Variants in SPOCK1 observed in about 807,000 individuals in gnomAD.
SPOCK1 encodes the protein testican-1.
SPOCK1 carries 23 observed loss-of-function variants against 55.3 expected under a neutral mutation model. The ratio of observed to expected loss-of-function variants is 0.42; its 90% confidence interval spans 0.30 to 0.59. SPOCK1 has a LOEUF of 0.59. Among genes scored for constraint, SPOCK1 ranks in the 20% least tolerant of loss-of-function variants. The probability of loss-of-function intolerance (pLI) is 0.22; values close to 1 mark genes in which losing one functional copy is unlikely to be tolerated. For missense variants in SPOCK1, 499 were observed against 552.5 expected, an observed-to-expected ratio of 0.90 and a Z score of 0.97; for synonymous variants, 226 against 221.0, an observed-to-expected ratio of 1.02 and a Z score of -0.20.
intron 6 of SPOCK1, among the ~76,000 whole-genome samples, chr5:137,021,449 CA>C (rs1209036412): frequency 2.0e-5 from 3 of 152,268 alleles, no homozygotes; most frequent in Non-Finnish European, 2.9e-5. Context: ...GGAGGTGACA[CA>C]AGGTAACTTG....
At chr5:137,421,423 C>T (rs1352436546) in intron 2 of SPOCK1, among the ~76,000 whole-genome samples, 4 of 151,974 alleles carry the variant, frequency 2.6e-5, no homozygotes, top group Admixed American at 6.6e-5. Context: ...TATTATTGTG[C>T]GGGAGACTAA....
intron 2 of SPOCK1, among the ~76,000 whole-genome samples, chr5:137,432,873 T>C (rs1446981312): frequency 1.3e-5 from 2 of 152,170 alleles, no homozygotes; most frequent in East Asian, 3.8e-4. Flanking sequence ...TGTCAGACAA[T>C]ACCACTGGCT....
chr5:137,467,446 A>G (rs1187401747), intron 2 of SPOCK1, among the ~76,000 whole-genome samples: 1 of 152,244 alleles, frequency 6.6e-6, no homozygotes, highest in Non-Finnish European at 1.5e-5. Context: ...GTGCCAAGCT[A>G]TGTGCAAGAG....
intron 2 of SPOCK1, among the ~76,000 whole-genome samples, chr5:137,402,167 G>A (rs1050989730): frequency 1.3e-5 from 2 of 152,132 alleles, no homozygotes; most frequent in African/African-American, 4.8e-5. Flanking sequence ...GTCGTGTCTT[G>A]AAGAAAATAG....
In SPOCK1 at chr5:137,342,249, C is replaced by T. The variant is rs934491288; in HGVS notation, c.187-75194G>A. On this transcript the variant is annotated intron_variant, in intron 2 of 10. Transcript: ENST00000394945. ...TGCTAGGTATGCCATTGCCCTGATG[C>T]ACCAATACAGAACTGCCAGGTTTCC... Among the ~76,000 whole-genome samples the T allele has an allele frequency of 2.6e-5, 4 of 152,160 alleles. No homozygotes were observed. The East Asian group carries it at 5.8e-4, about 22-fold the overall frequency.
At chr5:137,379,685 C>G (rs1297362280) in intron 2 of SPOCK1, among the ~76,000 whole-genome samples, 1 of 152,166 alleles carries the variant, frequency 6.6e-6, no homozygotes, top group African/African-American at 2.4e-5. Flanking sequence ...AGCCATAAAT[C>G]ACACATGAAA....
At chr5:137,358,694 G>A (rs1465351952) in intron 2 of SPOCK1, among the ~76,000 whole-genome samples, 2 of 152,128 alleles carry the variant, frequency 1.3e-5, no homozygotes, top group Non-Finnish European at 2.9e-5. Context: ...TGCAAACCTG[G>A]AATGTTCCAG....
intron 6 of SPOCK1, among the ~76,000 whole-genome samples, chr5:137,048,920 G>T (rs1331033838): frequency 1.0e-5 from 1 of 97,254 alleles, no homozygotes; most frequent in Admixed American, 1.2e-4. Context: ...GGCTGGATAT[G>T]AAATTCTGGG....
At chr5:137,038,288 C>T (rs542015646) in intron 6 of SPOCK1, among the ~76,000 whole-genome samples, 24 of 152,306 alleles carry the variant, frequency 1.6e-4, no homozygotes, top group African/African-American at 5.5e-4. Flanking sequence ...CTCCCTCTAC[C>T]CCTTCACCCC....
chr5:137,345,264 A>G (rs1750530861), intron 2 of SPOCK1, among the ~76,000 whole-genome samples: 1 of 152,156 alleles, frequency 6.6e-6, no homozygotes, highest in Non-Finnish European at 1.5e-5. Flanking sequence ...CCTTTAAACG[A>G]CCAGTTTCTA....
At chr5:136,985,662 C>G (rs1750825552) in intron 8 of SPOCK1, among the ~76,000 whole-genome samples, 1 of 152,082 alleles carries the variant, frequency 6.6e-6, no homozygotes, top group Non-Finnish European at 1.5e-5. Flanking sequence ...TCACCACCCC[C>G]AGGAAAGTAA....
At chr5:137,367,026 G>A (rs143657950) in intron 2 of SPOCK1, among the ~76,000 whole-genome samples, 4 of 152,320 alleles carry the variant, frequency 2.6e-5, no homozygotes, top group African/African-American at 9.6e-5. Flanking sequence ...GAGTCAAATG[G>A]CAGTGATTCC....
intron 3 of SPOCK1, among the ~76,000 whole-genome samples, chr5:137,236,507 C>T (rs1291514588): frequency 6.6e-6 from 1 of 152,226 alleles, no homozygotes; most frequent in Non-Finnish European, 1.5e-5. Context: ...TGAACCTCTG[C>T]TTAAACTCTC....
At chr5:136,990,315 T>C (rs185915936) in intron 7 of SPOCK1, among the ~76,000 whole-genome samples, 51 of 152,140 alleles carry the variant, frequency 3.4e-4, no homozygotes, top group Middle Eastern at 3.4e-3. Context: ...TATAACCCTA[T>C]GCTTCCCCTC....
chr5:137,400,781 G>A (rs1218376429), intron 2 of SPOCK1, among the ~76,000 whole-genome samples: 1 of 152,134 alleles, frequency 6.6e-6, no homozygotes, highest in Non-Finnish European at 1.5e-5. Context: ...AATGCTGCAT[G>A]GGCAAACACC....
At chr5:137,132,745 G>A (rs781712802) in intron 4 of SPOCK1, among the ~76,000 whole-genome samples, 1 of 152,190 alleles carries the variant, frequency 6.6e-6, no homozygotes, top group Non-Finnish European at 1.5e-5. Flanking sequence ...CAGTGCTTTG[G>A]GGTCAATGGA....
chr5:137,403,619 T>C (rs1019781764), intron 2 of SPOCK1, among the ~76,000 whole-genome samples: 1 of 151,510 alleles, frequency 6.6e-6, no homozygotes, highest in African/African-American at 2.4e-5. Context: ...TAGTAATAAA[T>C]GGGATGGTGA....
At chr5:137,245,832 T>G (rs1007912918) in intron 3 of SPOCK1, among the ~76,000 whole-genome samples, 2 of 151,010 alleles carry the variant, frequency 1.3e-5, no homozygotes, top group Admixed American at 1.3e-4. Context: ...ATGGGATCCA[T>G]GATTAAATAA....
intron 4 of SPOCK1, among the ~76,000 whole-genome samples, chr5:137,132,019 T>TATAA (rs1311302324): frequency 1.6e-4 from 9 of 56,090 alleles, no homozygotes; most frequent in African/African-American, 3.4e-4. Flanking sequence ...TATATATATA[T>TATAA]AAAAAATTAG....
Sources: gnomAD v4.1 joint callset for allele counts (sites outside exome capture counted in the v4.1 genomes callset) on GRCh38, gnomAD v4.1.1 for gene constraint, MANE v1.5 for transcripts, NCBI Gene and HGNC (gene_info 2026-07-23, HGNC 2026-07-21) for gene names.